CHL1: variants seen among roughly 807,000 people sequenced by gnomAD.
The protein encoded by CHL1 is cell adhesion molecule L1 like.
Under a neutral mutation model 141.9 loss-of-function variants are expected in CHL1, and 96 were observed. That is an observed-to-expected ratio of 0.68 (90% confidence interval 0.57 to 0.80). The LOEUF (loss-of-function observed/expected upper bound fraction) is 0.80, where lower values mean the gene tolerates loss of function less well. Ranked by LOEUF, CHL1 falls within the 30% of genes least tolerant of loss-of-function variation. The probability of loss-of-function intolerance (pLI) is 0.00; values close to 1 mark genes in which losing one functional copy is unlikely to be tolerated. For synonymous variants in CHL1, 613 were observed against 502.2 expected (o/e 1.22, Z -2.95); for missense variants, 1,820 against 1,457.2 (o/e 1.25, Z -4.05).
At chr3:353,646 T>A (rs527866639) in intron 10 of CHL1, among the ~76,000 whole-genome samples, 7 of 152,342 alleles carry the variant, frequency 4.6e-5, no homozygotes, top group African/African-American at 1.7e-4. Flanking sequence ...CTTTCCTTTT[T>A]ACATAATCCT....
chr3:352,486 C>T (rs1559297050), intron 10 of CHL1, among the ~76,000 whole-genome samples: 1 of 152,080 alleles, frequency 6.6e-6, no homozygotes, highest in African/African-American at 2.4e-5. Flanking sequence ...TTTGTATTTA[C>T]AATTATGAGA....
intron 2 of CHL1, among the ~76,000 whole-genome samples, chr3:287,559 C>T (rs1159764721): frequency 6.6e-6 from 1 of 152,158 alleles, no homozygotes; most frequent in Non-Finnish European, 1.5e-5. Context: ...ATGTCTTCTA[C>T]TCAGATAATA....
chr3:286,271 G>A (rs961234494), intron 2 of CHL1, among the ~76,000 whole-genome samples: 1 of 152,120 alleles, frequency 6.6e-6, no homozygotes, highest in Non-Finnish European at 1.5e-5. Flanking sequence ...TCTCGCACAA[G>A]AAAGAATTTG....
At chr3:313,376 C>G (rs898771152) in intron 2 of CHL1, among the ~76,000 whole-genome samples, 3 of 152,132 alleles carry the variant, frequency 2.0e-5, no homozygotes, top group African/African-American at 7.2e-5. Context: ...GCCCATGTAT[C>G]ACACTCATCA....
intron 2 of CHL1, among the ~76,000 whole-genome samples, chr3:265,316 G>T (rs76864119): frequency 7.6e-4 from 115 of 152,280 alleles, no homozygotes; most frequent in African/African-American, 2.5e-3. Flanking sequence ...GATTAAATCA[G>T]AAGATAGTGG....
chr3:298,481 T>A (rs1698412853), intron 2 of CHL1, among the ~76,000 whole-genome samples: 1 of 152,210 alleles, frequency 6.6e-6, no homozygotes, highest in South Asian at 2.1e-4. Context: ...TTTAGGTAAT[T>A]AAAATCTCCA....
At position 321,365 on chromosome 3, in the gene CHL1, A is replaced by T. The variant is rs74784754; in HGVS notation, c.91+1498A>T. On this transcript the variant is annotated intron_variant, in intron 3 of 27. Transcript: ENST00000256509. ...TGAAATCTTTCGGCCTACACAATGT[A>T]TTAGATTTCTTCACTGACCAGCCTT... is the stretch of plus-strand genomic sequence containing the variant. 6.0e-3 allele frequency among the ~76,000 whole-genome samples: 914 copies of T among 152,200 alleles called. 7 individuals are homozygous for T. The highest frequency in any genetic ancestry group is 0.021 in the African/African-American group (861 of 41,556).
At chr3:365,833 A>G in intron 14 of CHL1, 117 bp from the exon 15 acceptor site, 1 of 687,246 alleles carries the variant, frequency 1.5e-6, no homozygotes, top group Non-Finnish European at 2.4e-6. Context: ...AGTGGGACAA[A>G]CCCTGCATGA....
intron 1 of CHL1, chr3:213,550 T>G (rs1356709383): frequency 6.6e-6 from 1 of 152,192 alleles, no homozygotes; most frequent in Non-Finnish European, 1.5e-5. Context: ...TTTTCTGAGG[T>G]CTGGAACTCT....
At chr3:382,034 T>A in intron 16 of CHL1, 145 bp from the exon 17 acceptor site, 2 of 441,546 alleles carry the variant, frequency 4.5e-6, no homozygotes, top group Non-Finnish European at 4.0e-6. Context: ...TTCCCTTCCA[T>A]ATGTGGGGTG....
rs962168230 is a variant in CHL1, at chr3:222,487, T to C, written c.-174-22126T>C. Among the ~76,000 whole-genome samples the C allele has an allele frequency of 1.1e-4, 17 of 152,318 alleles. 1 individual carries two copies. Among genetic ancestry groups the C allele is most frequent in the Admixed American group, 9.8e-4 (15 of 15,300 alleles). On this transcript the variant is annotated intron_variant, in intron 1 of 27. Transcript: ENST00000256509. ...TTACCCAATCAAACCCAAACACTTA[T>C]ATAACCTCCTTTCAGAAGAGCGGGG...
At chr3:300,016 CAGAA>C in intron 2 of CHL1, among the ~76,000 whole-genome samples, 1 of 152,186 alleles carries the variant, frequency 6.6e-6, no homozygotes, top group African/African-American at 2.4e-5. Context: ...TATTGGGTTT[CAGAA>C]AGATAAATTG....
chr3:349,323 TA>T (rs763160222), intron 9 of CHL1, 35 bp from the exon 10 acceptor site: 10 of 1,560,156 alleles, frequency 6.4e-6, no homozygotes, highest in African/African-American at 4.2e-5. Context: ...TTTCCGCTTT[TA>T]AAAAAATGTT....
chr3:279,819 G>A (rs1696473413), intron 2 of CHL1, among the ~76,000 whole-genome samples: 1 of 152,164 alleles, frequency 6.6e-6, no homozygotes, highest in Non-Finnish European at 1.5e-5. Context: ...GGGACTTAAA[G>A]GCTGCTTAGA....
chr3:391,837 T>C, intron 23 of CHL1, 40 bp downstream of exon 23: 2 of 1,513,160 alleles, frequency 1.3e-6, no homozygotes, highest in Non-Finnish European at 1.8e-6. Flanking sequence ...TGTTAATGTT[T>C]CATTTTTTGG....
intron 3 of CHL1, among the ~76,000 whole-genome samples, chr3:321,930 G>T (rs1700597034): frequency 6.6e-6 from 1 of 151,962 alleles, no homozygotes; most frequent in South Asian, 2.1e-4. Context: ...ACACCCAAAG[G>T]TTATTAGCTC....
At chr3:353,967 C>T (rs2125223698) in intron 10 of CHL1, among the ~76,000 whole-genome samples, 1 of 152,210 alleles carries the variant, frequency 6.6e-6, no homozygotes, top group Admixed American at 6.5e-5. Flanking sequence ...CTGTTTCTGA[C>T]ATACTTTGTA....
At chr3:237,920 C>G (rs1313248854) in intron 1 of CHL1, among the ~76,000 whole-genome samples, 1 of 152,118 alleles carries the variant, frequency 6.6e-6, no homozygotes. Context: ...CAGAAGTATT[C>G]TTAGAAAAAG....
At chr3:242,331 T>C (rs1692666434) in intron 1 of CHL1, among the ~76,000 whole-genome samples, 1 of 149,686 alleles carries the variant, frequency 6.7e-6, no homozygotes, top group Non-Finnish European at 1.5e-5. Flanking sequence ...GCGCGGTGGC[T>C]CACGCCTGTA....
Sources: allele counts gnomAD v4.1 joint callset (sites outside exome capture counted in the v4.1 genomes callset), GRCh38; gene constraint gnomAD v4.1.1; transcripts MANE v1.5; gene names NCBI Gene and HGNC (gene_info 2026-07-23, HGNC 2026-07-21).